Variants in SH3RF3 observed in about 807,000 individuals in gnomAD.
The protein encoded by SH3RF3 is SH3 domain containing ring finger 3.
SH3RF3 carries 29 observed loss-of-function variants against 66.3 expected under a neutral mutation model. The observed-to-expected ratio is 0.44, with a 90% CI of 0.33 to 0.60. SH3RF3 has a LOEUF of 0.60. Ranked by LOEUF, SH3RF3 falls within the 20% of genes least tolerant of loss-of-function variation. The pLI, the probability that SH3RF3 is intolerant of heterozygous loss-of-function variation, is 0.04. For missense variants in SH3RF3, 1,194 were observed against 1,190.9 expected (o/e 1.00, Z -0.04); for synonymous variants, 583 against 532.0 (o/e 1.10, Z -1.32).
At chr2:109,361,556 C>T (rs1171905726) in intron 2 of SH3RF3, among the ~76,000 whole-genome samples, 1 of 152,152 alleles carries the variant, frequency 6.6e-6, no homozygotes, top group Non-Finnish European at 1.5e-5. Context: ...TCATTGCAAC[C>T]TCCGCCTCCC....
intron 5 of SH3RF3, among the ~76,000 whole-genome samples, chr2:109,426,072 A>G (rs559392955): frequency 8.6e-5 from 13 of 152,004 alleles, no homozygotes; most frequent in Admixed American, 5.2e-4. Context: ...TAATTTTTGT[A>G]TATTGTATAT....
intron 1 of SH3RF3, among the ~76,000 whole-genome samples, chr2:109,210,344 A>G (rs182059938): frequency 3.9e-5 from 6 of 152,350 alleles, no homozygotes; most frequent in Admixed American, 3.3e-4. Flanking sequence ...CAAGATTTTT[A>G]ATGTCACTGA....
intron 2 of SH3RF3, among the ~76,000 whole-genome samples, chr2:109,364,459 C>G (rs1683119253): frequency 6.6e-6 from 1 of 152,208 alleles, no homozygotes. Context: ...ACATTAGTTG[C>G]CACATCTCAA....
intron 8 of SH3RF3, among the ~76,000 whole-genome samples, chr2:109,487,835 A>AAC (rs1679023043): frequency 6.6e-6 from 1 of 152,162 alleles, no homozygotes; most frequent in Non-Finnish European, 1.5e-5. Flanking sequence ...CATTCAGCAA[A>AAC]CAAGTGTTGA....
chr2:109,134,245 C>A (rs1676767503), intron 1 of SH3RF3, among the ~76,000 whole-genome samples: 1 of 152,188 alleles, frequency 6.6e-6, no homozygotes, highest in African/African-American at 2.4e-5. Flanking sequence ...AGTTAGGATT[C>A]TGTTCCTCCG....
rs541382337 is a variant in SH3RF3, at chr2:109,397,704, T to G, written c.946-886T>G. The stretch of plus-strand genomic sequence containing the variant: ...CCCAGGCTGTGTAATTCACGGACCT[T>G]CCCCCAGTGGGTGTGCCTGGGCTGC... On this transcript the variant is annotated intron_variant, in intron 3 of 9. Transcript: ENST00000309415. Among the ~76,000 whole-genome samples the G allele has an allele frequency of 4.6e-5, 7 of 152,210 alleles. No individual in the cohort carries two copies. The South Asian group carries it at 1.5e-3, about 32-fold the overall frequency.
At chr2:109,206,632 G>A (rs1394481306) in intron 1 of SH3RF3, among the ~76,000 whole-genome samples, 1 of 150,886 alleles carries the variant, frequency 6.6e-6, no homozygotes, top group Non-Finnish European at 1.5e-5. Flanking sequence ...ACATAAGTAA[G>A]ACCCTGTCTC....
chr2:109,225,466 G>A (rs2105164515), intron 1 of SH3RF3, among the ~76,000 whole-genome samples: 1 of 152,330 alleles, frequency 6.6e-6, no homozygotes, highest in Non-Finnish European at 1.5e-5. Flanking sequence ...ATACAGGCCA[G>A]GCCGACTCCC....
chr2:109,475,135 G>A (rs930695552), intron 8 of SH3RF3, among the ~76,000 whole-genome samples: 7 of 152,056 alleles, frequency 4.6e-5, no homozygotes, highest in East Asian at 1.9e-4. Context: ...GCACCACCAC[G>A]CCCAGCTAAT....
chr2:109,196,232 C>T (rs1678496173), intron 1 of SH3RF3, among the ~76,000 whole-genome samples: 1 of 152,310 alleles, frequency 6.6e-6, no homozygotes, highest in East Asian at 1.9e-4. Context: ...TTTGGGACGG[C>T]AGAGACTGCC....
At chr2:109,155,386 C>T (rs1307288976) in intron 1 of SH3RF3, among the ~76,000 whole-genome samples, 4 of 152,230 alleles carry the variant, frequency 2.6e-5, no homozygotes, top group East Asian at 3.9e-4. Context: ...CTGCAAGCTC[C>T]GCCTCCTGAG....
intron 1 of SH3RF3, among the ~76,000 whole-genome samples, chr2:109,328,513 T>A (rs1269596759): frequency 6.6e-6 from 1 of 151,964 alleles, no homozygotes; most frequent in Non-Finnish European, 1.5e-5. Flanking sequence ...TGTTTACACA[T>A]GTTTGTTTTT....
chr2:109,129,298 G>T lies in SH3RF3; in HGVS notation c.-243G>T, dbSNP rs953126645. 17 of 721,420 alleles carry T rather than the reference G, an allele frequency of 2.4e-5. No individual in the cohort carries two copies. The East Asian group carries it at 2.8e-4, about 12-fold the overall frequency. The allele number at this position is 721,420 out of a possible 1,614,324, so 44.7% of individuals were successfully genotyped here. A position where few individuals can be genotyped will look rare whatever the true frequency, so the allele number is the denominator to read the frequency against. ...ACAGGTGTAGCCCGCAGCCGCAGGC[G>T]CTGCGCTCAGGACTGGGCGGGCTCG... is the stretch of plus-strand genomic sequence containing the variant. On this transcript the variant is annotated 5_prime_UTR_variant, in exon 1 of 10. Transcript: ENST00000309415.
chr2:109,217,899 C>G (rs560103064), intron 1 of SH3RF3, among the ~76,000 whole-genome samples: 2 of 152,324 alleles, frequency 1.3e-5, no homozygotes, highest in South Asian at 4.1e-4. Flanking sequence ...CACAAGGGAG[C>G]TGGCCCGGCT....
At chr2:109,304,128 G>T (rs1011485265) in intron 1 of SH3RF3, among the ~76,000 whole-genome samples, 1 of 151,784 alleles carries the variant, frequency 6.6e-6, no homozygotes, top group African/African-American at 2.4e-5. Flanking sequence ...GATCTACTCT[G>T]CTAGCAGTTT....
chr2:109,268,649 AGAATCTTTACTTT>A (rs1680556567), intron 1 of SH3RF3, among the ~76,000 whole-genome samples: 1 of 152,214 alleles, frequency 6.6e-6, no homozygotes, highest in Non-Finnish European at 1.5e-5. Context: ...CACATTCAGT[AGAATCTTTACTTT>A]GAGTTCCTAC....
chr2:109,153,368 G>A (rs1677266094), intron 1 of SH3RF3, among the ~76,000 whole-genome samples: 1 of 152,086 alleles, frequency 6.6e-6, no homozygotes, highest in Non-Finnish European at 1.5e-5. Context: ...AAAAAAATTT[G>A]TATTTTTGCT....
chr2:109,206,689 G>A (rs1321932453), intron 1 of SH3RF3, among the ~76,000 whole-genome samples: 2 of 151,748 alleles, frequency 1.3e-5, no homozygotes, highest in Non-Finnish European at 2.9e-5. Flanking sequence ...ATTAGTGTAT[G>A]CTTATAATTC....
chr2:109,433,846 G>T (rs1243215248), intron 6 of SH3RF3, among the ~76,000 whole-genome samples: 1 of 152,222 alleles, frequency 6.6e-6, no homozygotes, highest in Non-Finnish European at 1.5e-5. Flanking sequence ...GCAGGGAAAA[G>T]CTTGAGAAGC....
Sources: gnomAD v4.1 joint callset for allele counts (sites outside exome capture counted in the v4.1 genomes callset) on GRCh38, gnomAD v4.1.1 for gene constraint, MANE v1.5 for transcripts, NCBI Gene and HGNC (gene_info 2026-07-23, HGNC 2026-07-21) for gene names.